ADAM12: variants seen among roughly 807,000 people sequenced by gnomAD.
ADAM12 encodes the protein disintegrin and metalloproteinase domain-containing protein 12.
Under a neutral mutation model 106.4 loss-of-function variants are expected in ADAM12, and 70 were observed. The ratio of observed to expected loss-of-function variants is 0.66; its 90% CI spans 0.54 to 0.80. ADAM12 has a LOEUF of 0.80. Among genes scored for constraint, ADAM12 ranks in the 30% least tolerant of loss-of-function variants. The pLI is 0.00. For synonymous variants in ADAM12, 420 were observed against 433.5 expected (o/e 0.97, Z 0.39); for missense variants, 1,010 against 1,171.9 (o/e 0.86, Z 2.02).
chr10:126,266,823 T>A lies in ADAM12; in HGVS notation c.260+12092A>T, dbSNP rs182742343. On this transcript the variant is annotated intron_variant, in intron 3 of 22. Coordinates refer to ENST00000448723, the MANE Select transcript of ADAM12 (RefSeq NM_001288973.2). ...AAAGGTGGGAGGTTCCACACACTTC[T>A]AAACAACCCGATTTCACGAGAAGTC... is the stretch of plus-strand genomic sequence containing the variant. Among the ~76,000 whole-genome samples, 5 of 152,144 alleles carry A rather than the reference T, an allele frequency of 3.3e-5. No individual in the cohort carries two copies. The East Asian group carries it at 9.7e-4, about 29-fold the overall frequency.
At chr10:126,259,608 T>C (rs1336422610) in intron 3 of ADAM12, among the ~76,000 whole-genome samples, 1 of 152,212 alleles carries the variant, frequency 6.6e-6, no homozygotes, top group African/African-American at 2.4e-5. Context: ...AGGTGGGAAT[T>C]TGATGTCCTG....
At chr10:126,228,741 C>T (rs931161383) in intron 3 of ADAM12, among the ~76,000 whole-genome samples, 1 of 152,108 alleles carries the variant, frequency 6.6e-6, no homozygotes, top group Non-Finnish European at 1.5e-5. Flanking sequence ...TCCTTCTGCC[C>T]CCAAACCATG....
chr10:126,079,237 C>T (rs1249867306), intron 11 of ADAM12, among the ~76,000 whole-genome samples: 1 of 152,142 alleles, frequency 6.6e-6, no homozygotes, highest in Non-Finnish European at 1.5e-5. Flanking sequence ...TTTTCCAGCA[C>T]ATTCACAATG....
intron 2 of ADAM12, among the ~76,000 whole-genome samples, chr10:126,301,115 G>A (rs1960603357): frequency 2.0e-5 from 3 of 152,114 alleles, no homozygotes; most frequent in Non-Finnish European, 2.9e-5. Context: ...CAGGGGTGCC[G>A]CTAAACATTG....
intron 11 of ADAM12, among the ~76,000 whole-genome samples, chr10:126,081,201 A>T (rs1315353989): frequency 6.6e-6 from 1 of 152,138 alleles, no homozygotes. Flanking sequence ...AGGGGCTCAC[A>T]TCTGTCTGAG....
chr10:126,223,760 A>G (rs1003958289), intron 3 of ADAM12, among the ~76,000 whole-genome samples: 5 of 152,208 alleles, frequency 3.3e-5, no homozygotes, highest in African/African-American at 1.2e-4. Flanking sequence ...GTCTTTGGTC[A>G]CAATTACTGA....
intron 1 of ADAM12, among the ~76,000 whole-genome samples, chr10:126,348,306 G>C (rs1006207845): frequency 2.6e-5 from 4 of 152,152 alleles, no homozygotes; most frequent in African/African-American, 9.7e-5. Flanking sequence ...CTAGAAACCT[G>C]ATTCAGTTGA....
chr10:126,261,208 A>G (rs1169881507), intron 3 of ADAM12, among the ~76,000 whole-genome samples: 1 of 152,162 alleles, frequency 6.6e-6, no homozygotes, highest in Non-Finnish European at 1.5e-5. Flanking sequence ...TCCTTCAGAT[A>G]CCAAGGCACG....
chr10:126,295,911 A>ACC (rs10695207), intron 2 of ADAM12, among the ~76,000 whole-genome samples: 4 of 20,104 alleles, frequency 2.0e-4, no homozygotes, highest in Non-Finnish European at 6.4e-4. Flanking sequence ...ACACACACAA[A>ACC]CACACACACA....
At chr10:126,250,476 G>C (rs774106527) in intron 3 of ADAM12, among the ~76,000 whole-genome samples, 1 of 152,066 alleles carries the variant, frequency 6.6e-6, no homozygotes, top group Non-Finnish European at 1.5e-5. Flanking sequence ...GGCCCTGCTC[G>C]TTTATCGTAT....
At chr10:126,316,893 G>C (rs903096936) in intron 2 of ADAM12, among the ~76,000 whole-genome samples, 2 of 151,806 alleles carry the variant, frequency 1.3e-5, no homozygotes, top group Non-Finnish European at 2.9e-5. Context: ...TACATTTTAA[G>C]AGGTATACAG....
intron 3 of ADAM12, among the ~76,000 whole-genome samples, chr10:126,249,491 A>T (rs143374063): frequency 1.3e-5 from 2 of 152,320 alleles, no homozygotes; most frequent in East Asian, 3.9e-4. Flanking sequence ...CGAGGTCAGG[A>T]GATCAAGACC....
At chr10:126,253,032 T>C (rs368928984) in intron 3 of ADAM12, among the ~76,000 whole-genome samples, 1 of 152,236 alleles carries the variant, frequency 6.6e-6, no homozygotes, top group South Asian at 2.1e-4. Flanking sequence ...CGTTCTATTA[T>C]AGCTACTGTC....
intron 3 of ADAM12, among the ~76,000 whole-genome samples, chr10:126,242,536 T>C (rs1958546526): frequency 6.6e-6 from 1 of 152,078 alleles, no homozygotes; most frequent in African/African-American, 2.4e-5. Context: ...TTCCCTTCCA[T>C]GAGATTGTGC....
intron 1 of ADAM12, among the ~76,000 whole-genome samples, chr10:126,363,870 C>T (rs994579033): frequency 6.6e-6 from 1 of 152,182 alleles, no homozygotes; most frequent in Non-Finnish European, 1.5e-5. Context: ...ACTAAGACCA[C>T]TTTCCTTCCT....
In ADAM12 at chr10:126,043,567, G is replaced by A. The variant is rs1007243733; in HGVS notation, c.1996-419C>T. ...TGGGGCACCGCGGGACCTGACAGAT[G>A]CTTGGCGCATCCCTGTCTCCTTCAG... On this transcript the variant is annotated intron_variant, in intron 17 of 22. Coordinates refer to ENST00000448723, the MANE Select transcript of ADAM12 (RefSeq NM_001288973.2). The surrounding 1 kb of genome is among the most constrained non-coding windows in gnomAD (Gnocchi z 4.1). Among the ~76,000 whole-genome samples the A allele has an allele frequency of 1.3e-5, 2 of 152,216 alleles. No individual in the cohort carries two copies. The highest frequency in any genetic ancestry group is 2.9e-5 in the Non-Finnish European group (2 of 68,034).
chr10:126,033,997 TTTAAAGA>T (rs1471772321), intron 21 of ADAM12, among the ~76,000 whole-genome samples: 1 of 152,202 alleles, frequency 6.6e-6, no homozygotes. Flanking sequence ...AAAGTTAAGT[TTTAAAGA>T]TTATGTTTGG....
intron 2 of ADAM12, among the ~76,000 whole-genome samples, chr10:126,309,336 A>G (rs1242050552): frequency 6.6e-6 from 1 of 152,214 alleles, no homozygotes; most frequent in East Asian, 1.9e-4. Flanking sequence ...GAGGGCAGAG[A>G]CAACAGAAAG....
At chr10:126,254,597 CG>C (rs1252207545) in intron 3 of ADAM12, among the ~76,000 whole-genome samples, 2 of 152,142 alleles carry the variant, frequency 1.3e-5, no homozygotes, top group Non-Finnish European at 2.9e-5. Flanking sequence ...CCGGTCCAGG[CG>C]GGAGGCCCTT....
Sources: allele counts gnomAD v4.1 joint callset (sites outside exome capture counted in the v4.1 genomes callset), GRCh38; gene constraint gnomAD v4.1.1; non-coding constraint Gnocchi (gnomAD v3.1); transcripts MANE v1.5; gene names NCBI Gene and HGNC (gene_info 2026-07-23, HGNC 2026-07-21).